SGIP1: variants seen among roughly 807,000 people sequenced by gnomAD.
The protein encoded by SGIP1 is SH3-containing GRB2-like protein 3-interacting protein 1.
Under a neutral mutation model 107.5 loss-of-function variants are expected in SGIP1, and 38 were observed. The ratio of observed to expected loss-of-function variants is 0.35; its 90% CI spans 0.27 to 0.46. SGIP1 has a LOEUF of 0.46. Ranked by LOEUF, SGIP1 falls within the 20% of genes least tolerant of loss-of-function variation. The pLI is 1.00. For missense variants in SGIP1, 929 were observed against 1,019.5 expected (o/e 0.91, Z 1.21); for synonymous variants, 365 against 366.1 (o/e 1.00, Z 0.03).
chr1:66,577,787 TGTGTGTGTGTGTGTTGC>T (rs2061283065), intron 1 of SGIP1, among the ~76,000 whole-genome samples: 1 of 115,702 alleles, frequency 8.6e-6, no homozygotes, highest in Admixed American at 8.5e-5. Context: ...TGTGTGTGTG[TGTGTGTGTGTGTGTTGC>T]ATACCCAAAA....
intron 7 of SGIP1, 48 bp from the exon 8 acceptor site, chr1:66,660,465 C>A: frequency 6.4e-7 from 1 of 1,557,488 alleles, no homozygotes. Context: ...ATACATTTCA[C>A]CTCTCTCATT....
At chr1:66,694,749 T>C (rs569598684) in intron 17 of SGIP1, 186 of 387,034 alleles carry the variant, frequency 4.8e-4, no homozygotes, top group Admixed American at 1.1e-3. Context: ...AAAGGTGAGA[T>C]GCTATTGCTT....
At position 66,545,628 on chromosome 1, in the gene SGIP1, T is replaced by TTGTGTGTGTGTGTGTCTGTG. The variant is rs2056202618; in HGVS notation, c.10+11275_10+11276insCTGTGTGTGTGTGTGTGTGT. ...CTCCAGAGAGACAGAACTGAACAAATTGTGTGTGTGTGTGTGTGTGTGTGT... is the reference window on the plus strand; with the variant it reads ...CTCCAGAGAGACAGAACTGAACAAATTGTGTGTGTGTGTGTCTGTGTGTGTGTGTGTGTGTGTGTGTGTGT... On this transcript the variant is annotated intron_variant, in intron 1 of 24. Transcript: ENST00000371037. Among the ~76,000 whole-genome samples the TTGTGTGTGTGTGTGTCTGTG allele has an allele frequency of 2.2e-5, 3 of 138,942 alleles. No homozygotes were observed. The Admixed American group carries it at 2.2e-4, about 10-fold the overall frequency. 91.2% of individuals were successfully genotyped at this position (138,942 alleles called of 152,430 possible). A position where few individuals can be genotyped will look rare whatever the true frequency, so the allele number is the denominator to read the frequency against.
At chr1:66,643,768 C>T (rs746792865) in intron 7 of SGIP1, 49 bp downstream of exon 7, 9 of 1,518,764 alleles carry the variant, frequency 5.9e-6, no homozygotes, top group Non-Finnish European at 7.1e-6. Flanking sequence ...TTGAACAGGG[C>T]TATGTTCTGC....
Position 66,749,295 on chromosome 1 carries a change from T to C in SGIP1, c.*6200T>C, listed in dbSNP as rs1483650257. Reference sequence around the variant, plus strand: ...GTTTTACTAAACAGCTTTAGGAAACTGAATCATGATAGATCAATGTTGACA... The same window carrying C: ...GTTTTACTAAACAGCTTTAGGAAACCGAATCATGATAGATCAATGTTGACA... On this transcript the variant is annotated 3_prime_UTR_variant, in exon 25 of 25. Coordinates refer to ENST00000371037, the MANE Select transcript of SGIP1 (RefSeq NM_032291.4). Among the ~76,000 whole-genome samples, 1 of 152,024 alleles carries C rather than the reference T, an allele frequency of 6.6e-6. No individual in the cohort carries two copies. The highest frequency in any genetic ancestry group is 1.5e-5 in the Non-Finnish European group (1 of 67,900).
intron 18 of SGIP1, among the ~76,000 whole-genome samples, chr1:66,712,575 C>A (rs868454794): frequency 6.6e-6 from 1 of 151,948 alleles, no homozygotes; most frequent in Admixed American, 6.6e-5. Flanking sequence ...TTTCTCTTTC[C>A]TCTTTTTTTT....
At chr1:66,682,415 TG>T (rs2150003594) in intron 15 of SGIP1, 46 bp downstream of exon 15, 2 of 1,565,040 alleles carry the variant, frequency 1.3e-6, no homozygotes, top group African/African-American at 1.4e-5. Context: ...GGAATGGCCA[TG>T]GCTGCTGCAG....
At chr1:66,665,371 T>C (rs963425964) in intron 8 of SGIP1, among the ~76,000 whole-genome samples, 5 of 152,218 alleles carry the variant, frequency 3.3e-5, no homozygotes, top group Non-Finnish European at 7.3e-5. Context: ...CAGTCTATCA[T>C]TGATGGACAT....
intron 1 of SGIP1, among the ~76,000 whole-genome samples, chr1:66,593,164 A>T (rs1196463281): frequency 2.0e-5 from 3 of 151,812 alleles, no homozygotes; most frequent in Non-Finnish European, 4.4e-5. Flanking sequence ...CACGGTCTGG[A>T]TGTACGATGG....
intron 20 of SGIP1, among the ~76,000 whole-genome samples, chr1:66,730,095 C>T (rs897224112): frequency 2.0e-5 from 3 of 152,152 alleles, no homozygotes; most frequent in East Asian, 1.9e-4. Flanking sequence ...AGCCACCACG[C>T]CTGGCCTTCT....
rs111611196 is a variant in SGIP1 at position 66,681,769 on chromosome 1, C to T, written c.815-100C>T. The T allele has an allele frequency of 9.0e-4, 1,156 of 1,280,064 alleles. 8 individuals are homozygous for T. In the African/African-American group the frequency reaches 0.012, roughly 13 times the overall value. 79.3% of individuals were successfully genotyped at this position (1,280,064 alleles called of 1,614,324 possible). On this transcript the variant is annotated intron_variant, in intron 14 of 24. Transcript: ENST00000371037. ...ATCATGAAGTATGCCCACTGAGGCA[C>T]CTCAGACACCAATGTATTTTCCAGT...
intron 1 of SGIP1, among the ~76,000 whole-genome samples, chr1:66,603,300 A>C (rs1016220381): frequency 2.0e-5 from 3 of 152,166 alleles, no homozygotes; most frequent in African/African-American, 7.2e-5. Context: ...GATGTGTACT[A>C]GGGTTATATA....
chr1:66,739,971 C>T (rs2094394085), intron 22 of SGIP1, among the ~76,000 whole-genome samples: 1 of 152,182 alleles, frequency 6.6e-6, no homozygotes, highest in Non-Finnish European at 1.5e-5. Context: ...GTTAGAAGAT[C>T]CCCACATCTG....
intron 2 of SGIP1, 144 bp from the exon 3 acceptor site, chr1:66,632,926 T>C: frequency 1.4e-6 from 1 of 698,342 alleles, no homozygotes; most frequent in East Asian, 2.6e-5. Flanking sequence ...TTTGTTTTGA[T>C]TTAGTTTTCA....
At position 66,739,637 on chromosome 1, in the gene SGIP1, G is replaced by A. The variant is rs573063937; in HGVS notation, c.2234+100G>A. 442 of 1,259,738 alleles carry A rather than the reference G, an allele frequency of 3.5e-4. 1 individual carries two copies. The highest frequency in any genetic ancestry group is 1.2e-3 in the South Asian group (88 of 76,392). The allele number at this position is 1,259,738 out of a possible 1,614,324, so 78.0% of individuals were successfully genotyped here. ...GTCCTGTAGGAGGAGATGACAGCAGGCCTGTGCATTAGGGTTCAGGGCAGG... is the reference window on the plus strand; with the variant it reads ...GTCCTGTAGGAGGAGATGACAGCAGACCTGTGCATTAGGGTTCAGGGCAGG... On this transcript the variant is annotated intron_variant, in intron 22 of 24. Transcript: ENST00000371037.
At chr1:66,641,384 G>A (rs2076763943) in intron 5 of SGIP1, among the ~76,000 whole-genome samples, 1 of 151,928 alleles carries the variant, frequency 6.6e-6, no homozygotes, top group East Asian at 1.9e-4. Context: ...TTTCTCCATG[G>A]TTATGGCATT....
chr1:66,587,885 G>T (rs750832156), intron 1 of SGIP1, among the ~76,000 whole-genome samples: 14 of 152,226 alleles, frequency 9.2e-5, no homozygotes, highest in Admixed American at 4.6e-4. Context: ...AAACTTGGTA[G>T]TACTAAGTCT....
At chr1:66,663,209 G>A (rs778225664) in intron 8 of SGIP1, among the ~76,000 whole-genome samples, 1 of 152,038 alleles carries the variant, frequency 6.6e-6, no homozygotes, top group Non-Finnish European at 1.5e-5. Context: ...CTGACTCCCA[G>A]CACCCCCTCC....
chr1:66,609,034 G>A (rs1470041933), intron 1 of SGIP1, among the ~76,000 whole-genome samples: 1 of 152,168 alleles, frequency 6.6e-6, no homozygotes, highest in Non-Finnish European at 1.5e-5. Context: ...ATCCCACAGG[G>A]ATGAAGGTCA....
Sources: gnomAD v4.1 joint callset for allele counts (sites outside exome capture counted in the v4.1 genomes callset) on GRCh38, gnomAD v4.1.1 for gene constraint, MANE v1.5 for transcripts, NCBI Gene and HGNC (gene_info 2026-07-23, HGNC 2026-07-21) for gene names.